MRPL15: variants seen among roughly 807,000 people sequenced by gnomAD.
The protein encoded by MRPL15 is large ribosomal subunit protein uL15m.
In MRPL15, 24 loss-of-function variants were observed where a neutral mutation model predicts 28.0. That is an observed-to-expected ratio of 0.86 (90% CI 0.62 to 1.21). The LOEUF is 1.21. Ranked by LOEUF, MRPL15 falls within the 50% of genes most tolerant of loss-of-function variation. The pLI, the probability that MRPL15 is intolerant of heterozygous loss-of-function variation, is 0.00. For synonymous variants in MRPL15, 124 were observed against 137.0 expected, an observed-to-expected ratio of 0.90 and a Z score of 0.66; for missense variants, 343 against 372.4, an observed-to-expected ratio of 0.92 and a Z score of 0.65.
chr8:54,140,241 A>G (rs1387242728), intron 3 of MRPL15, among the ~76,000 whole-genome samples: 4 of 151,878 alleles, frequency 2.6e-5, no homozygotes, highest in African/African-American at 9.7e-5. Context: ...TCAGAGCTAC[A>G]TTTTCCTTTT....
intron 4 of MRPL15, among the ~76,000 whole-genome samples, chr8:54,145,826 T>C (rs1811036795): frequency 6.6e-6 from 1 of 152,226 alleles, no homozygotes; most frequent in Admixed American, 6.5e-5. Context: ...TTCAAGGACA[T>C]CCACTATTTA....
intron 1 of MRPL15, among the ~76,000 whole-genome samples, chr8:54,135,698 T>C (rs757163082): frequency 1.3e-3 from 192 of 152,040 alleles, no homozygotes; most frequent in Non-Finnish European, 2.3e-3. Context: ...CTAATTTTTG[T>C]ATTTTTAGTA....
chr8:54,142,766 T>C lies in MRPL15; in HGVS notation c.533T>C (p.Phe178Ser). The C allele has an allele frequency of 1.9e-6, 3 of 1,614,168 alleles. No individual in the cohort carries two copies. The highest frequency in any genetic ancestry group is 2.5e-6 in the Non-Finnish European group (3 of 1,180,002). ...EKNGGVVTTAFYDPRSLDIVC... is the reference protein window; with the variant it reads ...EKNGGVVTTASYDPRSLDIVC... The stretch of plus-strand genomic sequence containing the variant: ...AATGGTGGTGTTGTTACTACAGCCT[T>C]CTATGATCCAAGAAGTCTGGGTAAG... Residue 178 changes from phenylalanine to serine, a missense_variant, in exon 4 of 5, where the codon TTC becomes TCC. Transcript: ENST00000260102.
intron 3 of MRPL15, among the ~76,000 whole-genome samples, chr8:54,140,127 G>A (rs1363007109): frequency 6.6e-6 from 1 of 152,230 alleles, no homozygotes; most frequent in African/African-American, 2.4e-5. Flanking sequence ...TATTGCCATA[G>A]AGTGGTAATG....
intron 3 of MRPL15, among the ~76,000 whole-genome samples, chr8:54,139,103 G>C (rs979566507): frequency 6.6e-6 from 1 of 152,144 alleles, no homozygotes; most frequent in African/African-American, 2.4e-5. Context: ...GGGTTCAAGC[G>C]ATTCTCTTGT....
At chr8:54,137,487 A>C (rs7830051) in intron 3 of MRPL15, 54 bp downstream of exon 3, 1 of 1,549,470 alleles carries the variant, frequency 6.5e-7, no homozygotes. Flanking sequence ...TTTTTTAGAC[A>C]GAGTCTTGCC....
chr8:54,135,475 G>T (rs561093926), intron 1 of MRPL15, 84 bp downstream of exon 1: 4 of 1,151,456 alleles, frequency 3.5e-6, no homozygotes, highest in East Asian at 6.0e-5. Context: ...TAGGAGAACT[G>T]CCCTTTCTAG....
Position 54,138,753 on chromosome 8 carries a change from A to G in MRPL15, c.429+1320A>G, listed in dbSNP as rs1810871239. Among the ~76,000 whole-genome samples, 2 of 152,086 alleles carry G rather than the reference A, an allele frequency of 1.3e-5. 1 individual carries two copies. Among genetic ancestry groups the G allele is most frequent in the Admixed American group, 1.3e-4 (2 of 15,248 alleles). On this transcript the variant is annotated intron_variant, in intron 3 of 4. Coordinates refer to ENST00000260102, the MANE Select transcript of MRPL15 (RefSeq NM_014175.4). ...CTTGACATTTATTACCAAGTTATGC[A>G]TTTGTTTTCATTGTCTTCCTCACTA... is the stretch of plus-strand genomic sequence containing the variant.
rs1452307200 is a variant in MRPL15 at position 54,137,507 on chromosome 8, G to A, written c.429+74G>A. On this transcript the variant is annotated intron_variant, in intron 3 of 4. Transcript: ENST00000260102. ...TAGACAGAGTCTTGCCCTGTTGCCT[G>A]AGCTGGAGTACAGTGGCGCAATCTC... is the stretch of plus-strand genomic sequence containing the variant. The A allele has an allele frequency of 2.1e-5, 30 of 1,424,724 alleles. No individual in the cohort carries two copies. In the Admixed American group the frequency reaches 3.2e-4, roughly 15 times the overall value. The allele number at this position is 1,424,724 out of a possible 1,614,324, so 88.3% of individuals were successfully genotyped here. A position where few individuals can be genotyped will look rare whatever the true frequency, so the allele number is the denominator to read the frequency against.
At chr8:54,142,274 C>A (rs1810940963) in intron 3 of MRPL15, among the ~76,000 whole-genome samples, 1 of 152,144 alleles carries the variant, frequency 6.6e-6, no homozygotes. Context: ...CCCACCTCAG[C>A]CTCCTGAGTA....
At chr8:54,135,437 A>T in intron 1 of MRPL15, 46 bp downstream of exon 1, 1 of 1,478,792 alleles carries the variant, frequency 6.8e-7, no homozygotes, top group Non-Finnish European at 9.1e-7. Context: ...GACCCGGGCG[A>T]TGAAAGCGGC....
intron 4 of MRPL15, among the ~76,000 whole-genome samples, chr8:54,146,766 A>G (rs1348361678): frequency 2.0e-5 from 3 of 152,224 alleles, no homozygotes; most frequent in African/African-American, 7.2e-5. Flanking sequence ...GCCCTGTGGC[A>G]TCTGTGATAT....
At chr8:54,141,327 T>C (rs422715) in intron 3 of MRPL15, among the ~76,000 whole-genome samples, 1 of 152,118 alleles carries the variant, frequency 6.6e-6, no homozygotes, top group African/African-American at 2.4e-5. Context: ...GTATTTCCAT[T>C]TATGAAGTCG....
chr8:54,144,512 T>C (rs1461536124), intron 4 of MRPL15, among the ~76,000 whole-genome samples: 2 of 152,230 alleles, frequency 1.3e-5, no homozygotes, highest in East Asian at 3.8e-4. Context: ...GGCTCATTCC[T>C]GTAATCCCAG....
intron 2 of MRPL15, among the ~76,000 whole-genome samples, 156 bp downstream of exon 2, chr8:54,136,821 G>A (rs1353847931): frequency 2.0e-5 from 3 of 152,076 alleles, no homozygotes; most frequent in African/African-American, 7.2e-5. Context: ...ATGAAATCTT[G>A]CCTGGATTAT....
intron 4 of MRPL15, among the ~76,000 whole-genome samples, chr8:54,144,078 G>T (rs1012651515): frequency 1.3e-5 from 2 of 152,258 alleles, no homozygotes; most frequent in Non-Finnish European, 2.9e-5. Flanking sequence ...AGCTGACAAA[G>T]TATAAGTTCA....
At chr8:54,140,768 G>C (rs1305850162) in intron 3 of MRPL15, among the ~76,000 whole-genome samples, 1 of 151,610 alleles carries the variant, frequency 6.6e-6, no homozygotes, top group Admixed American at 6.6e-5. Context: ...ATTTTTAGTA[G>C]AGACAGGGTT....
chr8:54,140,221 G>C (rs1000752747), intron 3 of MRPL15, among the ~76,000 whole-genome samples: 1 of 151,980 alleles, frequency 6.6e-6, no homozygotes, highest in Non-Finnish European at 1.5e-5. Context: ...AAAATTTAAC[G>C]TTTCAGAGTT....
intron 4 of MRPL15, among the ~76,000 whole-genome samples, chr8:54,144,029 C>T (rs902993663): frequency 1.3e-5 from 2 of 152,254 alleles, no homozygotes; most frequent in African/African-American, 4.8e-5. Flanking sequence ...CATCCTGTCC[C>T]CTTGCCCTGC....
Sources: allele counts gnomAD v4.1 joint callset (sites outside exome capture counted in the v4.1 genomes callset), GRCh38; gene constraint gnomAD v4.1.1; transcripts MANE v1.5; gene names NCBI Gene and HGNC (gene_info 2026-07-23, HGNC 2026-07-21).